Variants in RALYL observed in about 807,000 individuals in gnomAD.
RALYL encodes RALY RNA binding protein like, also known as RNA-binding Raly-like protein.
A neutral mutation model predicts 35.1 loss-of-function variants in RALYL; 29 were observed. The ratio of observed to expected loss-of-function variants is 0.83; its 90% CI spans 0.61 to 1.13. The LOEUF (loss-of-function observed/expected upper bound fraction) is 1.13. Among genes scored for constraint, RALYL ranks in the 50% most tolerant of loss-of-function variants. The pLI, the probability that RALYL is intolerant of heterozygous loss-of-function variation, is 0.00. For missense variants in RALYL, 359 were observed against 360.4 expected, an observed-to-expected ratio of 1.00 and a Z score of 0.03; for synonymous variants, 120 against 127.6, an observed-to-expected ratio of 0.94 and a Z score of 0.40.
intron 1 of RALYL, among the ~76,000 whole-genome samples, chr8:84,381,472 C>T (rs918405558): frequency 3.3e-5 from 5 of 151,838 alleles, no homozygotes; most frequent in Admixed American, 6.6e-5. Flanking sequence ...AATCCTACTC[C>T]ATTACTTAAC....
intron 1 of RALYL, among the ~76,000 whole-genome samples, chr8:84,304,115 G>GTTTA (rs1234873700): frequency 2.0e-5 from 3 of 151,484 alleles, no homozygotes; most frequent in Admixed American, 6.6e-5. Flanking sequence ...AGTTTTGTTT[G>GTTTA]TTTATTTATT....
intron 6 of RALYL, among the ~76,000 whole-genome samples, chr8:84,871,387 C>T (rs1006857726): frequency 1.3e-5 from 2 of 152,092 alleles, no homozygotes; most frequent in Admixed American, 6.5e-5. Context: ...GCTCTAGTTG[C>T]TAAGAAATAT....
At chr8:84,688,667 C>A (rs984235283) in intron 2 of RALYL, among the ~76,000 whole-genome samples, 1 of 151,866 alleles carries the variant, frequency 6.6e-6, no homozygotes, top group African/African-American at 2.4e-5. Context: ...TTAATCTGGG[C>A]AATGCTTTTT....
At chr8:84,357,570 A>G (rs1852095999) in intron 1 of RALYL, among the ~76,000 whole-genome samples, 1 of 151,930 alleles carries the variant, frequency 6.6e-6, no homozygotes, top group Non-Finnish European at 1.5e-5. Context: ...GTGAATTAAG[A>G]AACAAGTTTT....
At chr8:84,554,192 T>C (rs1020272154) in intron 2 of RALYL, among the ~76,000 whole-genome samples, 2 of 152,338 alleles carry the variant, frequency 1.3e-5, no homozygotes, top group African/African-American at 4.8e-5. Flanking sequence ...TACTCGTGTG[T>C]AGGCAACAAT....
intron 1 of RALYL, among the ~76,000 whole-genome samples, chr8:84,269,521 T>G (rs1277911843): frequency 6.6e-6 from 1 of 152,178 alleles, no homozygotes; most frequent in Non-Finnish European, 1.5e-5. Context: ...TCAATTCCAT[T>G]ATCTATTTTA....
chr8:84,417,265 A>G (rs1159609434), intron 1 of RALYL, among the ~76,000 whole-genome samples: 1 of 152,160 alleles, frequency 6.6e-6, no homozygotes, highest in Non-Finnish European at 1.5e-5. Context: ...ACGTTTAAAA[A>G]TATAACAAGA....
At chr8:84,193,350 T>C (rs1328762547) in intron 1 of RALYL, among the ~76,000 whole-genome samples, 1 of 152,180 alleles carries the variant, frequency 6.6e-6, no homozygotes, top group East Asian at 1.9e-4. Flanking sequence ...CAGGGTCAAT[T>C]TCAGAATGTT....
chr8:84,841,803 G>T (rs935994606), intron 4 of RALYL, among the ~76,000 whole-genome samples: 10 of 152,174 alleles, frequency 6.6e-5, no homozygotes, highest in Admixed American at 6.5e-4. Context: ...TAGAACTCAG[G>T]ATTAAGAAAC....
chr8:84,388,347 G>T (rs1048941025), intron 1 of RALYL, among the ~76,000 whole-genome samples: 3 of 151,972 alleles, frequency 2.0e-5, no homozygotes, highest in Non-Finnish European at 4.4e-5. Flanking sequence ...TAGTCCTTTG[G>T]GTATATACGC....
intron 4 of RALYL, among the ~76,000 whole-genome samples, chr8:84,816,049 A>G (rs1043883566): frequency 1.5e-4 from 23 of 151,248 alleles, no homozygotes; most frequent in South Asian, 1.3e-3. Flanking sequence ...AAAAAAAAAA[A>G]AAAGAAAAAA....
At chr8:84,814,320 T>C (rs1371084591) in intron 4 of RALYL, among the ~76,000 whole-genome samples, 6 of 152,148 alleles carry the variant, frequency 3.9e-5, no homozygotes, top group Non-Finnish European at 1.5e-5. Flanking sequence ...AGTTTCATTA[T>C]AAAAACCAAC....
intron 1 of RALYL, among the ~76,000 whole-genome samples, chr8:84,398,714 C>T (rs577096827): frequency 8.5e-5 from 13 of 152,330 alleles, no homozygotes; most frequent in Admixed American, 2.0e-4. Context: ...TGGCTCCCAC[C>T]TGTAATCCCA....
intron 1 of RALYL, among the ~76,000 whole-genome samples, chr8:84,476,615 C>G (rs527866052): frequency 6.6e-6 from 1 of 152,286 alleles, no homozygotes; most frequent in South Asian, 2.1e-4. Context: ...TCTCTTCTAA[C>G]CATACATATC....
Position 84,555,146 on chromosome 8 carries a change from GCACAC to G in RALYL, c.256+25570_256+25574del, listed in dbSNP as rs1306245926. ...ATACAAAAATTAGCCGGGCGTGGTG[GCACAC>G]GCCTGTAATCCCAGCTACTCAGGAG... On this transcript the variant is annotated intron_variant, in intron 2 of 8. Transcript: ENST00000521268. Among the ~76,000 whole-genome samples the G allele has an allele frequency of 1.6e-4, 24 of 152,228 alleles. No homozygotes were observed. In the East Asian group the frequency reaches 4.1e-3, roughly 26 times the overall value.
At chr8:84,408,147 T>G in intron 1 of RALYL, among the ~76,000 whole-genome samples, 1 of 152,112 alleles carries the variant, frequency 6.6e-6, no homozygotes, top group East Asian at 1.9e-4. Context: ...TTATAAATGT[T>G]TAAAATGTCA....
At chr8:84,595,264 A>T (rs1205816257) in intron 2 of RALYL, among the ~76,000 whole-genome samples, 1 of 152,166 alleles carries the variant, frequency 6.6e-6, no homozygotes, top group African/African-American at 2.4e-5. Flanking sequence ...AGTGTCTTTG[A>T]ACACAATTAC....
intron 1 of RALYL, among the ~76,000 whole-genome samples, chr8:84,343,365 A>G (rs1359143298): frequency 2.0e-5 from 3 of 152,104 alleles, no homozygotes; most frequent in African/African-American, 4.8e-5. Context: ...AGCAAATAGA[A>G]TACATACATT....
chr8:84,414,577 G>A (rs945881790), intron 1 of RALYL, among the ~76,000 whole-genome samples: 3 of 152,066 alleles, frequency 2.0e-5, no homozygotes, highest in African/African-American at 7.2e-5. Flanking sequence ...GAGCATATTT[G>A]ACGTGCAAAT....
Sources: allele counts gnomAD v4.1 joint callset (sites outside exome capture counted in the v4.1 genomes callset), GRCh38; gene constraint gnomAD v4.1.1; transcripts MANE v1.5; gene names NCBI Gene and HGNC (gene_info 2026-07-23, HGNC 2026-07-21).